Variants in PXDN observed in about 807,000 individuals in gnomAD.
PXDN encodes peroxidasin homolog.
In PXDN, 77 loss-of-function variants were observed where a neutral mutation model predicts 140.3. That is an observed-to-expected ratio of 0.55 (90% CI 0.46 to 0.66). PXDN has a LOEUF of 0.66. Among genes scored for constraint, PXDN ranks in the 30% least tolerant of loss-of-function variants. PXDN has a pLI of 0.00. For missense variants in PXDN, 1,838 were observed against 2,039.5 expected (o/e 0.90, Z 1.90); for synonymous variants, 911 against 857.4 (o/e 1.06, Z -1.09).
chr2:1,634,303 G>C lies in PXDN; in HGVS notation c.4341C>G (p.Phe1447Leu), dbSNP rs147851300. The change falls in exon 23 of 23, where the codon TTC becomes TTG. Residue 1447 changes from phenylalanine (F) to leucine (L), a missense_variant. Phe to Leu is a conservative substitution (Grantham distance 22, BLOSUM62 0). Transcript: ENST00000252804. ...AGGTGGCAGGGGGGCAAGCTTCCAC[G>C]AAGCAGGTGACCTGCCCGTCCTGGA... ...CECKDGQVTC[F>L]VEACPPATCA... The C allele has an allele frequency of 6.3e-7, 1 of 1,596,084 alleles. No individual in the cohort carries two copies. The highest frequency in any genetic ancestry group is 1.7e-5 in the Admixed American group (1 of 57,596).
chr2:1,690,912 T>C (rs933035465), intron 3 of PXDN, among the ~76,000 whole-genome samples: 2 of 152,110 alleles, frequency 1.3e-5, no homozygotes, highest in African/African-American at 2.4e-5. Flanking sequence ...GATTTCAGAG[T>C]ATACATCAAC....
chr2:1,738,365 T>C (rs1011758023), intron 1 of PXDN, among the ~76,000 whole-genome samples: 1 of 152,074 alleles, frequency 6.6e-6, no homozygotes, highest in African/African-American at 2.4e-5. Context: ...GAGAGATCAC[T>C]CGATTCCCAG....
intron 9 of PXDN, among the ~76,000 whole-genome samples, chr2:1,668,975 T>C (rs1034376523): frequency 1.3e-5 from 2 of 152,190 alleles, no homozygotes; most frequent in Admixed American, 6.5e-5. Flanking sequence ...TTATAAGTCA[T>C]ACTACTATAA....
At position 1,714,097 on chromosome 2, in the gene PXDN, A is replaced by G. The variant is rs1322568673; in HGVS notation, c.201-20963T>C. Among the ~76,000 whole-genome samples, 1 of 152,198 alleles carries G rather than the reference A, an allele frequency of 6.6e-6. No individual in the cohort carries two copies. Among genetic ancestry groups the G allele is most frequent in the Non-Finnish European group, 1.5e-5 (1 of 68,028 alleles). On this transcript the variant is annotated intron_variant, in intron 1 of 22. Transcript: ENST00000252804. The surrounding 1 kb of genome is among the most constrained non-coding windows in gnomAD (Gnocchi z 4.3). The stretch of plus-strand genomic sequence containing the variant: ...GGCCTTCGGATAAACAGCTTCAAGA[A>G]AGCGCATCCGTCACCTTTGGTGACT...
At chr2:1,638,802 G>C (rs761682363) in intron 21 of PXDN, 44 bp downstream of exon 21, 7 of 1,613,090 alleles carry the variant, frequency 4.3e-6, no homozygotes, top group Middle Eastern at 1.7e-4. Context: ...CTGTGCTGCT[G>C]TGGAATCTTG....
intron 17 of PXDN, among the ~76,000 whole-genome samples, chr2:1,647,168 A>G (rs1682867169): frequency 6.6e-6 from 1 of 152,182 alleles, no homozygotes; most frequent in African/African-American, 2.4e-5. Context: ...TGCTGGGATT[A>G]TAGGCATGAG....
At chr2:1,682,169 G>C (rs980389411) in intron 6 of PXDN, among the ~76,000 whole-genome samples, 1 of 152,244 alleles carries the variant, frequency 6.6e-6, no homozygotes, top group African/African-American at 2.4e-5. Flanking sequence ...AGAGAAGGCA[G>C]CTGTCAGCAT....
At chr2:1,693,754 G>A (rs1176999440) in intron 1 of PXDN, among the ~76,000 whole-genome samples, 1 of 152,236 alleles carries the variant, frequency 6.6e-6, no homozygotes, top group Non-Finnish European at 1.5e-5. Flanking sequence ...ATATTTCGGG[G>A]GTGGAGAGAG....
At chr2:1,656,805 C>T (rs890056276) in intron 14 of PXDN, among the ~76,000 whole-genome samples, 1 of 149,408 alleles carries the variant, frequency 6.7e-6, no homozygotes, top group African/African-American at 2.5e-5. Context: ...CTGACTGAAG[C>T]ATGCCCCCTT....
chr2:1,741,413 G>C (rs12994167), intron 1 of PXDN, among the ~76,000 whole-genome samples: 1 of 151,816 alleles, frequency 6.6e-6, no homozygotes, highest in Non-Finnish European at 1.5e-5. Flanking sequence ...CCAAACCGCC[G>C]ACCGAGCAGC....
At chr2:1,634,680 T>C (rs1682502671) in intron 22 of PXDN, among the ~76,000 whole-genome samples, 1 of 152,016 alleles carries the variant, frequency 6.6e-6, no homozygotes, top group Admixed American at 6.5e-5. Flanking sequence ...GGGGTGGGCG[T>C]TGTCAGGAAG....
chr2:1,728,757 C>A (rs1436162824), intron 1 of PXDN, among the ~76,000 whole-genome samples: 4 of 152,144 alleles, frequency 2.6e-5, no homozygotes, highest in Non-Finnish European at 5.9e-5. Flanking sequence ...ACAGTGTTCC[C>A]GGCCACAGCT....
intron 9 of PXDN, 26 bp downstream of exon 9, chr2:1,673,617 C>T: frequency 6.3e-7 from 1 of 1,593,724 alleles, no homozygotes; most frequent in Non-Finnish European, 8.6e-7. Flanking sequence ...TGGATGGAAC[C>T]CCGGTGTGAA....
intron 11 of PXDN, 41 bp from the exon 12 acceptor site, chr2:1,663,804 A>T (rs750891167): frequency 1.3e-6 from 2 of 1,596,558 alleles, no homozygotes. Context: ...ACTCGGACGC[A>T]TGGAGAACTC....
chr2:1,715,289 G>A lies in PXDN; in HGVS notation c.201-22155C>T, dbSNP rs189677660. On this transcript the variant is annotated intron_variant, in intron 1 of 22. Coordinates refer to ENST00000252804, the MANE Select transcript of PXDN (RefSeq NM_012293.3). Reference sequence around the variant, plus strand: ...GGTCATCTGCTAAAGAACCAGGCACGTGAAACAACTGCAGGAACTCCACAT... The same window carrying A: ...GGTCATCTGCTAAAGAACCAGGCACATGAAACAACTGCAGGAACTCCACAT... Among the ~76,000 whole-genome samples, 87 of 152,192 alleles carry A rather than the reference G, an allele frequency of 5.7e-4. 1 individual carries two copies. Among genetic ancestry groups the A allele is most frequent in the Admixed American group, 3.7e-3 (56 of 15,290 alleles).
At position 1,663,714 on chromosome 2, in the gene PXDN, T is replaced by C. The variant is rs1683363072; in HGVS notation, c.1458A>G (p.Thr486=). Residue 486 remains threonine (T), a synonymous_variant, in exon 12 of 23, where the codon ACA becomes ACG. Coordinates refer to ENST00000252804, the MANE Select transcript of PXDN (RefSeq NM_012293.3). Reference sequence around the variant, plus strand: ...GGAGGGCAACACCAGAGATTCTAAGTGTTCCCGATGACAGGACCAGGTGCC... The same window carrying C: ...GGAGGGCAACACCAGAGATTCTAAGCGTTCCCGATGACAGGACCAGGTGCC... ...DRRHLVLSSG[T]LRISGVALHD... 1 of 1,613,744 alleles carries C rather than the reference T, an allele frequency of 6.2e-7. No homozygotes were observed. Among genetic ancestry groups the C allele is most frequent in the Admixed American group, 1.7e-5 (1 of 60,024 alleles).
chr2:1,725,223 T>C (rs1020889270), intron 1 of PXDN, among the ~76,000 whole-genome samples: 1 of 152,244 alleles, frequency 6.6e-6, no homozygotes, highest in Non-Finnish European at 1.5e-5. Flanking sequence ...CCTGCAACTT[T>C]ACTAAATTTA....
At chr2:1,677,654 C>T (rs1358886242) in intron 7 of PXDN, among the ~76,000 whole-genome samples, 2 of 151,170 alleles carry the variant, frequency 1.3e-5, no homozygotes, top group Non-Finnish European at 2.9e-5. Flanking sequence ...AGGCCTTCCT[C>T]GAGGGCTGAC....
At chr2:1,650,857 T>C (rs2125413184) in intron 16 of PXDN, among the ~76,000 whole-genome samples, 1 of 152,198 alleles carries the variant, frequency 6.6e-6, no homozygotes, top group South Asian at 2.1e-4. Flanking sequence ...CATTTCTGCT[T>C]GTCAAGATCA....
Sources: allele counts gnomAD v4.1 joint callset (sites outside exome capture counted in the v4.1 genomes callset), GRCh38; gene constraint gnomAD v4.1.1; non-coding constraint Gnocchi (gnomAD v3.1); transcripts MANE v1.5; gene names NCBI Gene and HGNC (gene_info 2026-07-23, HGNC 2026-07-21).